The following SLC24A2 variants were observed in gnomAD, a reference collection of about 807,000 sequenced individuals.
The protein encoded by SLC24A2 is sodium/potassium/calcium exchanger 2.
In SLC24A2, 36 loss-of-function variants were observed where a neutral mutation model predicts 62.0. The ratio of observed to expected loss-of-function variants is 0.58; its 90% CI spans 0.44 to 0.77. SLC24A2 has a LOEUF of 0.77. SLC24A2 is among the 30% of genes least tolerant of loss of function. The probability of loss-of-function intolerance (pLI) is 0.00; values close to 1 mark genes in which losing one functional copy is unlikely to be tolerated. For synonymous variants in SLC24A2, 358 were observed against 294.0 expected, an observed-to-expected ratio of 1.22 and a Z score of -2.23; for missense variants, 846 against 817.9, an observed-to-expected ratio of 1.03 and a Z score of -0.42.
chr9:19,507,624 A>G lies in SLC24A2; in HGVS notation c.*8529T>C, dbSNP rs1832548104. On this transcript the variant is annotated 3_prime_UTR_variant, in exon 11 of 11. Transcript: ENST00000341998. ...TGAAGTCCATGTGACAGAAGTACAT[A>G]CTTCAGACAGCCTATGTACAAATAA... The G allele has an allele frequency of 6.6e-6, 1 of 152,270 alleles. No individual in the cohort carries two copies. Among genetic ancestry groups the G allele is most frequent in the African/African-American group, 2.4e-5 (1 of 41,478 alleles). 9.4% of individuals were successfully genotyped at this position (152,270 alleles called of 1,614,324 possible). A position where few individuals can be genotyped will look rare whatever the true frequency, so the allele number is the denominator to read the frequency against.
the SLC24A2 span, among the ~76,000 whole-genome samples, chr9:20,138,911 T>C: frequency 6.6e-6 from 1 of 152,208 alleles, no homozygotes; most frequent in East Asian, 1.9e-4. Context: ...TCAAAGTCTC[T>C]GCCTTTCTAT....
chr9:20,080,278 G>C, the SLC24A2 span, among the ~76,000 whole-genome samples: 1 of 152,172 alleles, frequency 6.6e-6, no homozygotes, highest in Non-Finnish European at 1.5e-5. Flanking sequence ...CCAAAACAGA[G>C]ATATAGACCA....
At chr9:20,009,127 G>C in the SLC24A2 span, among the ~76,000 whole-genome samples, 1 of 152,180 alleles carries the variant, frequency 6.6e-6, no homozygotes, top group Non-Finnish European at 1.5e-5. Flanking sequence ...GGAAAAGTGA[G>C]TTGGAGGTGG....
At chr9:19,694,178 A>C (rs1820121246) in intron 2 of SLC24A2, among the ~76,000 whole-genome samples, 1 of 152,142 alleles carries the variant, frequency 6.6e-6, no homozygotes, top group South Asian at 2.1e-4. Context: ...ACCTATTTGC[A>C]CAGGAAAATA....
the SLC24A2 span, among the ~76,000 whole-genome samples, chr9:20,131,302 C>CT: frequency 1.3e-5 from 2 of 152,126 alleles, no homozygotes; most frequent in South Asian, 4.1e-4. Context: ...CCAGGCCCGT[C>CT]TGTGTTTCCC....
intron 2 of SLC24A2, among the ~76,000 whole-genome samples, chr9:19,646,508 C>T (rs997783606): frequency 1.3e-5 from 2 of 152,130 alleles, no homozygotes; most frequent in Non-Finnish European, 2.9e-5. Context: ...CCAGGTTTGC[C>T]TTTTAAAGAA....
chr9:19,551,158 T>G (rs532122603), intron 7 of SLC24A2, among the ~76,000 whole-genome samples: 1 of 152,308 alleles, frequency 6.6e-6, no homozygotes, highest in South Asian at 2.1e-4. Context: ...AGGTTGTGAG[T>G]TGGTCACCTG....
chr9:19,837,802 T>G, the SLC24A2 span, among the ~76,000 whole-genome samples: 1 of 151,812 alleles, frequency 6.6e-6, no homozygotes, highest in Non-Finnish European at 1.5e-5. Context: ...AAATCATGAG[T>G]GAACTCCCAT....
At chr9:20,165,673 TA>T in the SLC24A2 span, among the ~76,000 whole-genome samples, 1 of 151,866 alleles carries the variant, frequency 6.6e-6, no homozygotes, top group African/African-American at 2.4e-5. Flanking sequence ...TTTTAAAAAT[TA>T]AGTTGTATAA....
chr9:19,711,890 C>G (rs755651953), intron 2 of SLC24A2, among the ~76,000 whole-genome samples: 2 of 152,214 alleles, frequency 1.3e-5, no homozygotes, highest in Non-Finnish European at 2.9e-5. Context: ...GAGCTCTAAA[C>G]GCAAGTTGCC....
chr9:19,603,819 G>A (rs1252360698), intron 4 of SLC24A2, among the ~76,000 whole-genome samples: 5 of 152,138 alleles, frequency 3.3e-5, no homozygotes, highest in South Asian at 2.1e-4. Context: ...GTGATTTTGC[G>A]TTGGAATTTT....
chr9:20,032,907 G>A, the SLC24A2 span, among the ~76,000 whole-genome samples: 3 of 152,148 alleles, frequency 2.0e-5, no homozygotes, highest in East Asian at 1.9e-4. Context: ...GCGGCTGACC[G>A]AAAACTAGAA....
chr9:19,548,478 T>C (rs960000899), intron 8 of SLC24A2, among the ~76,000 whole-genome samples: 3 of 152,162 alleles, frequency 2.0e-5, no homozygotes, highest in African/African-American at 4.8e-5. Flanking sequence ...TTACATAATA[T>C]AGTTTACTGT....
the SLC24A2 span, among the ~76,000 whole-genome samples, chr9:19,863,451 G>A: frequency 6.6e-6 from 1 of 151,696 alleles, no homozygotes; most frequent in African/African-American, 2.4e-5. Context: ...TTCTCAGAGA[G>A]AGACCATATG....
At position 19,744,111 on chromosome 9, in the gene SLC24A2, A is replaced by G. The variant is rs143691858; in HGVS notation, c.930+41826T>C. Among the ~76,000 whole-genome samples the G allele has an allele frequency of 4.6e-3, 704 of 152,246 alleles. 6 individuals carry two copies. Among genetic ancestry groups the G allele is most frequent in the Non-Finnish European group, 6.7e-3 (459 of 68,002 alleles). ...GAGCTGCTCTGTGATGTTACAATACATCAATGACACCAAACTTTCTCTTAT... is the reference window on the plus strand; with the variant it reads ...GAGCTGCTCTGTGATGTTACAATACGTCAATGACACCAAACTTTCTCTTAT... On this transcript the variant is annotated intron_variant, in intron 2 of 10. Transcript: ENST00000341998.
chr9:20,266,742 G>A, the SLC24A2 span, among the ~76,000 whole-genome samples: 1 of 152,090 alleles, frequency 6.6e-6, no homozygotes. Flanking sequence ...GAGATTCACG[G>A]TGCACTTTAT....
chr9:19,853,338 T>A, the SLC24A2 span, among the ~76,000 whole-genome samples: 1 of 152,154 alleles, frequency 6.6e-6, no homozygotes, highest in South Asian at 2.1e-4. Flanking sequence ...GAACTTCCAA[T>A]ACTATGTTGA....
the SLC24A2 span, among the ~76,000 whole-genome samples, chr9:19,828,032 C>A: frequency 2.0e-5 from 3 of 152,296 alleles, no homozygotes; most frequent in Admixed American, 6.5e-5. Context: ...TTTTTAACAA[C>A]CCAGCCTGGT....
intron 4 of SLC24A2, among the ~76,000 whole-genome samples, chr9:19,615,509 G>T (rs534615803): frequency 1.3e-5 from 2 of 152,310 alleles, no homozygotes; most frequent in East Asian, 3.9e-4. Flanking sequence ...TCTCGGAATG[G>T]AAAATGATTG....
Sources: gnomAD v4.1 joint callset for allele counts (sites outside exome capture counted in the v4.1 genomes callset) on GRCh38, gnomAD v4.1.1 for gene constraint, MANE v1.5 for transcripts, NCBI Gene and HGNC (gene_info 2026-07-23, HGNC 2026-07-21) for gene names.